The following SLC24A3 variants were observed in gnomAD, a reference collection of about 807,000 sequenced individuals.
The protein encoded by SLC24A3 is solute carrier family 24 member 3.
A neutral mutation model predicts 75.8 loss-of-function variants in SLC24A3; 28 were observed. That is an observed-to-expected ratio of 0.37 (90% CI 0.27 to 0.51). The LOEUF (loss-of-function observed/expected upper bound fraction) is 0.51, where lower values mean the gene tolerates loss of function less well. Among genes scored for constraint, SLC24A3 ranks in the 20% least tolerant of loss-of-function variants. The pLI is 0.94. For missense variants in SLC24A3, 663 were observed against 847.8 expected (o/e 0.78, Z 2.71); for synonymous variants, 372 against 334.1 (o/e 1.11, Z -1.24).
chr20:19,218,331 T>C (rs1431574997), intron 1 of SLC24A3, among the ~76,000 whole-genome samples: 1 of 152,198 alleles, frequency 6.6e-6, no homozygotes, highest in Non-Finnish European at 1.5e-5. Flanking sequence ...TCTCATGGGA[T>C]AGCACTGAGC....
At chr20:19,302,217 A>C (rs1984212723) in intron 2 of SLC24A3, among the ~76,000 whole-genome samples, 1 of 152,192 alleles carries the variant, frequency 6.6e-6, no homozygotes, top group Non-Finnish European at 1.5e-5. Flanking sequence ...TTTGCCCTAC[A>C]TGTGCTAAGC....
At chr20:19,576,328 C>T (rs540107932) in intron 3 of SLC24A3, among the ~76,000 whole-genome samples, 1 of 152,326 alleles carries the variant, frequency 6.6e-6, no homozygotes, top group South Asian at 2.1e-4. Flanking sequence ...GTCACACTCC[C>T]AGTAGGTTTT....
At chr20:19,429,755 AG>A (rs1987069914) in intron 2 of SLC24A3, among the ~76,000 whole-genome samples, 1 of 152,176 alleles carries the variant, frequency 6.6e-6, no homozygotes, top group South Asian at 2.1e-4. Context: ...CTCCTAGGGT[AG>A]CAGGAGTTCA....
At chr20:19,433,774 G>T (rs1388689602) in intron 2 of SLC24A3, among the ~76,000 whole-genome samples, 2 of 152,256 alleles carry the variant, frequency 1.3e-5, no homozygotes, top group Non-Finnish European at 1.5e-5. Flanking sequence ...AAGTAGGACT[G>T]ATTACCGTCT....
At chr20:19,314,390 T>G (rs1984533899) in intron 2 of SLC24A3, among the ~76,000 whole-genome samples, 1 of 151,716 alleles carries the variant, frequency 6.6e-6, no homozygotes. Context: ...CTCGGCTCAC[T>G]GCAACCTTGA....
chr20:19,536,768 A>G (rs2030405938), intron 3 of SLC24A3, among the ~76,000 whole-genome samples: 1 of 152,226 alleles, frequency 6.6e-6, no homozygotes, highest in Admixed American at 6.5e-5. Context: ...AAAAACAGGC[A>G]ATGGGGAAAG....
intron 2 of SLC24A3, among the ~76,000 whole-genome samples, chr20:19,470,690 C>T (rs879677698): frequency 3.0e-4 from 45 of 152,292 alleles, no homozygotes; most frequent in South Asian, 1.5e-3. Flanking sequence ...CAGAAGAAGA[C>T]TTTGACCCAC....
At chr20:19,243,747 C>G (rs1001091275) in intron 1 of SLC24A3, 1 of 152,470 alleles carries the variant, frequency 6.6e-6, no homozygotes, top group African/African-American at 2.4e-5. Context: ...GGGCTGCTTC[C>G]TGTGTCTTTC....
intron 1 of SLC24A3, among the ~76,000 whole-genome samples, chr20:19,224,469 A>G (rs1981823083): frequency 6.6e-6 from 1 of 152,236 alleles, no homozygotes; most frequent in African/African-American, 2.4e-5. Context: ...ATGCACTTTT[A>G]TTACTGTCAG....
intron 6 of SLC24A3, among the ~76,000 whole-genome samples, chr20:19,600,438 T>C (rs940389715): frequency 6.6e-6 from 1 of 152,182 alleles, no homozygotes. Flanking sequence ...CCTTAATTTT[T>C]ATGACAATAA....
chr20:19,716,023 A>G (rs140222740), intron 15 of SLC24A3, among the ~76,000 whole-genome samples: 1 of 152,358 alleles, frequency 6.6e-6, no homozygotes, highest in African/African-American at 2.4e-5. Context: ...CTTTCTCTAA[A>G]TCAGTGGTTC....
chr20:19,219,574 G>T (rs1340518626), intron 1 of SLC24A3, among the ~76,000 whole-genome samples: 1 of 152,114 alleles, frequency 6.6e-6, no homozygotes, highest in African/African-American at 2.4e-5. Flanking sequence ...GGCTGTGGTG[G>T]TCAGGAAAAG....
At chr20:19,285,459 C>A (rs1983788320) in intron 2 of SLC24A3, among the ~76,000 whole-genome samples, 1 of 101,518 alleles carries the variant, frequency 9.9e-6, no homozygotes, top group Admixed American at 1.6e-4. Context: ...GCCTGGGTGA[C>A]AGAATGAGAC....
chr20:19,659,395 A>G (rs1025743158), intron 7 of SLC24A3, among the ~76,000 whole-genome samples: 3 of 152,264 alleles, frequency 2.0e-5, no homozygotes, highest in Non-Finnish European at 4.4e-5. Flanking sequence ...AGCAGAATTT[A>G]CATGGTGATA....
At chr20:19,596,541 G>T (rs1388869132) in intron 6 of SLC24A3, among the ~76,000 whole-genome samples, 2 of 152,154 alleles carry the variant, frequency 1.3e-5, no homozygotes, top group Non-Finnish European at 2.9e-5. Flanking sequence ...AAGTTGGTAG[G>T]GTCTCTGAGT....
intron 14 of SLC24A3, chr20:19,697,603 C>A (rs1181660900): frequency 6.6e-6 from 1 of 152,404 alleles, no homozygotes; most frequent in African/African-American, 2.4e-5. Flanking sequence ...GATGGCCACA[C>A]CCTTCTGTAG....
chr20:19,555,732 C>A (rs1396579725), intron 3 of SLC24A3, among the ~76,000 whole-genome samples: 1 of 152,162 alleles, frequency 6.6e-6, no homozygotes, highest in Non-Finnish European at 1.5e-5. Context: ...CATCTTTGTA[C>A]ATGACTGAAG....
At chr20:19,555,329 C>T (rs181691727) in intron 3 of SLC24A3, among the ~76,000 whole-genome samples, 6 of 152,232 alleles carry the variant, frequency 3.9e-5, no homozygotes, top group Non-Finnish European at 7.4e-5. Flanking sequence ...GGCCCCTGGT[C>T]GTGATTTGAC....
chr20:19,698,698 G>A lies in SLC24A3; in HGVS notation c.1719+18G>A, dbSNP rs1187217291. ...GATCCTACGTAAGTGGTTTTCTCCA[G>A]GACTTCTCCTGAAATCCAGGGCTAC... On this transcript the variant is annotated intron_variant, in intron 15 of 16. Coordinates refer to ENST00000328041, the MANE Select transcript of SLC24A3 (RefSeq NM_020689.4). The A allele has an allele frequency of 9.1e-6, 14 of 1,545,418 alleles. No individual in the cohort carries two copies. The Admixed American group carries it at 1.7e-4, about 19-fold the overall frequency.
Sources: allele counts gnomAD v4.1 joint callset (sites outside exome capture counted in the v4.1 genomes callset), GRCh38; gene constraint gnomAD v4.1.1; transcripts MANE v1.5; gene names NCBI Gene and HGNC (gene_info 2026-07-23, HGNC 2026-07-21).